The following OSGEP variants were observed in gnomAD, a reference collection of about 807,000 sequenced individuals.
The protein encoded by OSGEP is tRNA N6-adenosine threonylcarbamoyltransferase.
A neutral mutation model predicts 44.1 loss-of-function variants in OSGEP; 39 were observed. The ratio of observed to expected loss-of-function variants is 0.88; its 90% CI spans 0.69 to 1.16. OSGEP has a LOEUF of 1.16. Among genes scored for constraint, OSGEP ranks in the 50% most tolerant of loss-of-function variants. OSGEP has a pLI of 0.00. For missense variants in OSGEP, 403 were observed against 443.1 expected (o/e 0.91, Z 0.81); for synonymous variants, 139 against 161.9 (o/e 0.86, Z 1.07).
At chr14:20,453,852 C>G (rs1449239743) in intron 1 of OSGEP, among the ~76,000 whole-genome samples, 2 of 152,034 alleles carry the variant, frequency 1.3e-5, no homozygotes, top group Non-Finnish European at 2.9e-5. Context: ...AACCCCGACT[C>G]TACTAAAAAT....
chr14:20,454,005 C>G (rs1881184883), intron 1 of OSGEP, among the ~76,000 whole-genome samples: 2 of 151,860 alleles, frequency 1.3e-5, no homozygotes, highest in Non-Finnish European at 2.9e-5. Flanking sequence ...GGCGACAGAG[C>G]AAGACTCTGT....
intron 1 of OSGEP, among the ~76,000 whole-genome samples, chr14:20,453,753 G>A (rs1004505521): frequency 2.0e-5 from 3 of 152,158 alleles, no homozygotes; most frequent in African/African-American, 7.2e-5. Context: ...CCCGAGCGGT[G>A]GCTCATGCCT....
rs756564811 is a variant in OSGEP, at chr14:20,449,233, A to T, written c.445T>A (p.Phe149Ile). 3 of 1,612,890 alleles carry T rather than the reference A, an allele frequency of 1.9e-6. No individual in the cohort carries two copies. The highest frequency in any genetic ancestry group is 2.5e-6 in the Non-Finnish European group (3 of 1,178,826). ...IAYSEHRYRIFGETIDIAVGN... is the reference protein window; with the variant it reads ...IAYSEHRYRIIGETIDIAVGN... ...ACTGCAATATCGATGGTTTCCCCAA[A>T]GATACGGTAACGATGTTCCGAGTAT... is the stretch of plus-strand genomic sequence containing the variant. The change falls in exon 4 of 11, where the codon TTT becomes ATT. Residue 149 changes from phenylalanine (F) to isoleucine (I), a missense_variant. Transcript: ENST00000206542.
intron 3 of OSGEP, 68 bp downstream of exon 3, chr14:20,451,906 T>G: frequency 6.0e-6 from 8 of 1,341,494 alleles, no homozygotes; most frequent in Non-Finnish European, 4.1e-6. Context: ...ATGACTCAGA[T>G]AGAACAAAGA....
intron 3 of OSGEP, chr14:20,449,478 A>G: frequency 1.8e-6 from 1 of 546,396 alleles, no homozygotes; most frequent in South Asian, 2.1e-5. Flanking sequence ...ACAGATTCCT[A>G]GACAGTGTAG....
Position 20,450,170 on chromosome 14 carries a change from A to G in OSGEP, c.412-904T>C, listed in dbSNP as rs1881058758. 1.3e-5 allele frequency: 2 copies of G among 152,158 alleles called. 1 individual carries two copies. The highest frequency in any genetic ancestry group is 1.3e-4 in the Admixed American group (2 of 15,260). 9.4% of individuals were successfully genotyped at this position (152,158 alleles called of 1,614,324 possible). On this transcript the variant is annotated intron_variant, in intron 3 of 10. Coordinates refer to ENST00000206542, the MANE Select transcript of OSGEP (RefSeq NM_017807.4). ...GCAATTCTCCTGCCTCAGCCTCCCAAGCAGCTGGAATTACAGGCACCCACC... is the reference window on the plus strand; with the variant it reads ...GCAATTCTCCTGCCTCAGCCTCCCAGGCAGCTGGAATTACAGGCACCCACC...
In OSGEP at chr14:20,446,521, C is replaced by G. The variant is rs1880949169; in HGVS notation, c.*719G>C. The G allele has an allele frequency of 6.6e-6, 1 of 152,282 alleles. No homozygotes were observed. Among genetic ancestry groups the G allele is most frequent in the Admixed American group, 6.5e-5 (1 of 15,284 alleles). The allele number at this position is 152,282 out of a possible 1,614,324, so 9.4% of individuals were successfully genotyped here. A position where few individuals can be genotyped will look rare whatever the true frequency, so the allele number is the denominator to read the frequency against. On this transcript the variant is annotated 3_prime_UTR_variant, in exon 11 of 11. Coordinates refer to ENST00000206542, the MANE Select transcript of OSGEP (RefSeq NM_017807.4). ...GCTCAATCACAGCTCACTGCAACCT[C>G]AAACTCCTGGGCTCAAGCTATCTTC... is the stretch of plus-strand genomic sequence containing the variant.
At position 20,447,705 on chromosome 14, in the gene OSGEP, G is replaced by T; in HGVS notation, c.794-15C>A. ...CCTCACATTACCTACAAAGAGGCAG[G>T]GAACAGGATTAGCTTAGTTTTAGCC... On this transcript the variant is annotated splice_polypyrimidine_tract_variant and intron_variant, in intron 8 of 10. Coordinates refer to ENST00000206542, the MANE Select transcript of OSGEP (RefSeq NM_017807.4). The T allele has an allele frequency of 1.2e-6, 2 of 1,604,600 alleles. No individual in the cohort carries two copies. The highest frequency in any genetic ancestry group is 1.7e-6 in the Non-Finnish European group (2 of 1,171,614).
Position 20,448,779 on chromosome 14 carries a change from A to G in OSGEP, c.590T>C (p.Val197Ala), listed in dbSNP as rs1164769245. The part of the protein sequence containing the change: ...GKKLVELPYT[V>A]KGMDVSFSGI... ...TGAGAATGAGACGTCCATCCCCTTT[A>G]CAGTGTATGGCAGCTCAACTAGCTT... The change falls in exon 6 of 11, where the codon GTA becomes GCA. Residue 197 changes from valine to alanine, a missense_variant. Val to Ala is a moderately conservative substitution (Grantham distance 64). Transcript: ENST00000206542. 2 of 1,613,356 alleles carry G rather than the reference A, an allele frequency of 1.2e-6. No homozygotes were observed. The highest frequency in any genetic ancestry group is 2.2e-5 in the East Asian group (1 of 44,900).
At chr14:20,448,663 T>C in intron 6 of OSGEP, 70 bp downstream of exon 6, 4 of 1,081,832 alleles carry the variant, frequency 3.7e-6, no homozygotes, top group Non-Finnish European at 5.7e-6. Flanking sequence ...CGAAATATAA[T>C]CGTAAGTAAA....
intron 3 of OSGEP, among the ~76,000 whole-genome samples, chr14:20,451,071 T>G (rs1286879131): frequency 6.6e-6 from 1 of 152,132 alleles, no homozygotes; most frequent in Non-Finnish European, 1.5e-5. Flanking sequence ...GTTGCATCAT[T>G]GCACTCCAAC....
rs142040655 is a variant in OSGEP, at chr14:20,451,959, G to C, written c.411+15C>G. 12 of 1,574,086 alleles carry C rather than the reference G, an allele frequency of 7.6e-6. No individual in the cohort carries two copies. The highest frequency in any genetic ancestry group is 2.7e-5 in the African/African-American group (2 of 73,894). ...CTCAGAAATTGAGATGGAGTGGGTAGAGCCCTCTAAATACCTGCGTATTTC... is the reference window on the plus strand; with the variant it reads ...CTCAGAAATTGAGATGGAGTGGGTACAGCCCTCTAAATACCTGCGTATTTC... On this transcript the variant is annotated intron_variant, in intron 3 of 10. Transcript: ENST00000206542.
intron 10 of OSGEP, 42 bp from the exon 11 acceptor site, chr14:20,447,321 A>G: frequency 1.2e-6 from 2 of 1,612,636 alleles, no homozygotes; most frequent in Non-Finnish European, 8.5e-7. Context: ...GCGAGCCCTT[A>G]ACATCCTTCA....
intron 10 of OSGEP, 31 bp downstream of exon 10, chr14:20,447,391 A>G: frequency 6.2e-7 from 1 of 1,606,276 alleles, no homozygotes; most frequent in Non-Finnish European, 8.5e-7. Flanking sequence ...TGTCCCAATA[A>G]TCTACCCTCA....
At chr14:20,454,472 GGATC>G in intron 1 of OSGEP, 93 bp downstream of exon 1, 2 of 859,928 alleles carry the variant, frequency 2.3e-6, no homozygotes, top group Non-Finnish European at 4.1e-6. Context: ...AATGAGACTC[GGATC>G]GAAAGCTGCA....
chr14:20,450,188 C>G (rs1019676489), intron 3 of OSGEP: 1 of 152,214 alleles, frequency 6.6e-6, no homozygotes, highest in Non-Finnish European at 1.5e-5. Flanking sequence ...GAATTACAGG[C>G]ACCCACCACC....
intron 1 of OSGEP, 41 bp downstream of exon 1, chr14:20,454,528 G>A: frequency 6.9e-6 from 9 of 1,308,592 alleles, no homozygotes; most frequent in Non-Finnish European, 1.0e-5. Flanking sequence ...ATTCTGTGCG[G>A]GGAAGTGCGC....
chr14:20,453,899 G>C (rs1318957568), intron 1 of OSGEP, among the ~76,000 whole-genome samples: 1 of 151,878 alleles, frequency 6.6e-6, no homozygotes, highest in African/African-American at 2.4e-5. Context: ...CACACCTATA[G>C]TCCTAGCTAC....
intron 5 of OSGEP, 67 bp downstream of exon 5, chr14:20,448,897 T>C: frequency 6.3e-7 from 1 of 1,593,566 alleles, no homozygotes; most frequent in Non-Finnish European, 8.6e-7. Flanking sequence ...TTTGTTAATA[T>C]ATACCGTATA....
Sources: allele counts gnomAD v4.1 joint callset (sites outside exome capture counted in the v4.1 genomes callset), GRCh38; gene constraint gnomAD v4.1.1; transcripts MANE v1.5; gene names NCBI Gene and HGNC (gene_info 2026-07-23, HGNC 2026-07-21).